The following BIN3 variants were observed in gnomAD, a reference collection of about 807,000 sequenced individuals.
BIN3 encodes the protein bridging integrator 3.
A neutral mutation model predicts 38.2 loss-of-function variants in BIN3; 41 were observed. The ratio of observed to expected loss-of-function variants is 1.07; its 90% CI spans 0.84 to 1.39. The LOEUF is 1.39. Among genes scored for constraint, BIN3 ranks in the 40% most tolerant of loss-of-function variants. The pLI is 0.00. For synonymous variants in BIN3, 145 were observed against 122.6 expected (o/e 1.18, Z -1.21); for missense variants, 361 against 324.3 (o/e 1.11, Z -0.87).
intron 4 of BIN3, among the ~76,000 whole-genome samples, chr8:22,631,576 C>T (rs146165232): frequency 0.011 from 1,670 of 152,320 alleles, 16 homozygotes; most frequent in Admixed American, 0.019. Context: ...CGGCTGAGTG[C>T]GCCAGCCGGG....
At chr8:22,643,567 C>A (rs545405952) in intron 2 of BIN3, among the ~76,000 whole-genome samples, 7 of 152,362 alleles carry the variant, frequency 4.6e-5, no homozygotes, top group Admixed American at 4.6e-4. Context: ...CGTTGGCCTT[C>A]CAAAGTGTTG....
intron 1 of BIN3, among the ~76,000 whole-genome samples, chr8:22,652,476 T>A (rs943711174): frequency 6.6e-6 from 1 of 152,252 alleles, no homozygotes; most frequent in Admixed American, 6.5e-5. Flanking sequence ...TGGAAGAGCC[T>A]GCGTGTGCAT....
chr8:22,640,823 T>C (rs1424363560), intron 2 of BIN3, among the ~76,000 whole-genome samples: 1 of 152,042 alleles, frequency 6.6e-6, no homozygotes, highest in Non-Finnish European at 1.5e-5. Flanking sequence ...AGGTTGATCA[T>C]CCTGGAAGCT....
At position 22,629,986 on chromosome 8, in the gene BIN3, T is replaced by C; in HGVS notation, c.316A>G (p.Thr106Ala). The C allele has an allele frequency of 1.2e-6, 2 of 1,609,620 alleles. No individual in the cohort carries two copies. Among genetic ancestry groups the C allele is most frequent in the Non-Finnish European group, 1.7e-6 (2 of 1,177,794 alleles). ...NQEKVNQIQK[T>A]VIEPLKKFGS... ...CACTTTTTTAAGGGCTCGATCACAG[T>C]CTTCTGGATCTGGTTCACCTGTCAA... Residue 106 changes from threonine to alanine, a missense_variant, in exon 6 of 9, where the codon ACT (threonine) becomes GCT (alanine). Physicochemically the swap from Thr to Ala is moderately conservative, Grantham distance 58. Coordinates refer to ENST00000276416, the MANE Select transcript of BIN3 (RefSeq NM_018688.6).
chr8:22,650,863 C>G (rs1329241741), intron 1 of BIN3, among the ~76,000 whole-genome samples: 4 of 152,206 alleles, frequency 2.6e-5, no homozygotes, highest in Non-Finnish European at 5.9e-5. Flanking sequence ...TGAAGCCACA[C>G]TTGCAGCTCT....
intron 1 of BIN3, among the ~76,000 whole-genome samples, chr8:22,659,365 A>T (rs932454399): frequency 6.6e-6 from 1 of 152,180 alleles, no homozygotes; most frequent in Non-Finnish European, 1.5e-5. Context: ...CCGAGGAGGT[A>T]TGTGTGTGTT....
chr8:22,656,463 T>A (rs1490911003), intron 1 of BIN3, among the ~76,000 whole-genome samples: 1 of 152,160 alleles, frequency 6.6e-6, no homozygotes, highest in African/African-American at 2.4e-5. Context: ...GAAATTCAAC[T>A]GGAAAAGAAG....
intron 2 of BIN3, among the ~76,000 whole-genome samples, chr8:22,638,179 G>A (rs1402156455): frequency 6.6e-6 from 1 of 152,350 alleles, no homozygotes; most frequent in South Asian, 2.1e-4. Context: ...TCAAAGCCAC[G>A]CTATTCCTAC....
intron 6 of BIN3, chr8:22,624,646 GT>G: frequency 2.7e-6 from 1 of 365,918 alleles, no homozygotes; most frequent in Non-Finnish European, 4.9e-6. Flanking sequence ...ATGAGAGGAG[GT>G]GGGGTTGTGG....
rs771166148 is a variant in BIN3 at position 22,621,585 on chromosome 8, G to C, written c.616-17C>G. 6.2e-7 allele frequency: 1 copy of C among 1,607,504 alleles called. No homozygotes were observed. On this transcript the variant is annotated splice_polypyrimidine_tract_variant and intron_variant, in intron 8 of 8. Coordinates refer to ENST00000276416, the MANE Select transcript of BIN3 (RefSeq NM_018688.6). ...GTACACAACCTGGGGGAGGCGACAGGGGTTGGCACGTGCTGGCTCCAGGGA... is the reference window on the plus strand; with the variant it reads ...GTACACAACCTGGGGGAGGCGACAGCGGTTGGCACGTGCTGGCTCCAGGGA...
At chr8:22,657,620 C>T (rs1180414084) in intron 1 of BIN3, among the ~76,000 whole-genome samples, 1 of 152,178 alleles carries the variant, frequency 6.6e-6, no homozygotes, top group Non-Finnish European at 1.5e-5. Flanking sequence ...CCAGAGAAGT[C>T]GGCAAAAAAC....
chr8:22,668,935 C>A (rs924350001), intron 1 of BIN3, 109 bp downstream of exon 1: 86 of 1,428,266 alleles, frequency 6.0e-5, no homozygotes, highest in Non-Finnish European at 7.7e-5. Context: ...TGCTCTGGGG[C>A]GGAGGGGTCG....
At chr8:22,645,454 C>A (rs972681799) in intron 1 of BIN3, among the ~76,000 whole-genome samples, 1 of 151,604 alleles carries the variant, frequency 6.6e-6, no homozygotes, top group African/African-American at 2.4e-5. Flanking sequence ...TGCACCCTAG[C>A]CTGGGCAACA....
chr8:22,656,710 A>G (rs989920590), intron 1 of BIN3, among the ~76,000 whole-genome samples: 2 of 152,226 alleles, frequency 1.3e-5, no homozygotes, highest in African/African-American at 4.8e-5. Context: ...GTAAGAAAAT[A>G]TCTTTCTGTT....
intron 4 of BIN3, among the ~76,000 whole-genome samples, chr8:22,634,168 G>A (rs925475639): frequency 4.6e-5 from 7 of 152,242 alleles, no homozygotes; most frequent in African/African-American, 1.7e-4. Context: ...TGGAAAGGCA[G>A]TGGGGACCGA....
chr8:22,630,901 C>T (rs1442634317), intron 4 of BIN3, among the ~76,000 whole-genome samples: 2 of 152,172 alleles, frequency 1.3e-5, no homozygotes, highest in Non-Finnish European at 1.5e-5. Context: ...TCAGTAAACC[C>T]GGTACCCAAG....
intron 8 of BIN3, 51 bp from the exon 9 acceptor site, chr8:22,621,619 C>T: frequency 1.3e-6 from 2 of 1,571,258 alleles, no homozygotes; most frequent in Non-Finnish European, 1.7e-6. Context: ...GAACCGTGTG[C>T]TTCAGGGGGC....
chr8:22,668,432 C>T (rs929864335), intron 1 of BIN3, among the ~76,000 whole-genome samples: 2 of 152,210 alleles, frequency 1.3e-5, no homozygotes, highest in Non-Finnish European at 2.9e-5. Flanking sequence ...TAAACTTAAC[C>T]ATGCCTATTT....
At chr8:22,631,251 T>C (rs1253798640) in intron 4 of BIN3, among the ~76,000 whole-genome samples, 1 of 152,126 alleles carries the variant, frequency 6.6e-6, no homozygotes, top group Admixed American at 6.6e-5. Context: ...GGAAAATGTG[T>C]TTTCCCCCAA....
Sources: gnomAD v4.1 joint callset for allele counts (sites outside exome capture counted in the v4.1 genomes callset) on GRCh38, gnomAD v4.1.1 for gene constraint, MANE v1.5 for transcripts, NCBI Gene and HGNC (gene_info 2026-07-23, HGNC 2026-07-21) for gene names.